The following MAPKAPK5 variants were observed in gnomAD, a reference collection of about 807,000 sequenced individuals.
The protein encoded by MAPKAPK5 is MAP kinase-activated protein kinase 5.
Under a neutral mutation model 65.1 loss-of-function variants are expected in MAPKAPK5, and 30 were observed. The observed-to-expected ratio is 0.46, with a 90% CI of 0.34 to 0.63. The LOEUF is 0.63. Ranked by LOEUF, MAPKAPK5 falls within the 20% of genes least tolerant of loss-of-function variation. The pLI is 0.01. For synonymous variants in MAPKAPK5, 179 were observed against 204.6 expected (o/e 0.87, Z 1.07); for missense variants, 433 against 581.4 (o/e 0.74, Z 2.63).
At chr12:111,876,643 C>T (rs1158962821) in intron 7 of MAPKAPK5, among the ~76,000 whole-genome samples, 1 of 152,150 alleles carries the variant, frequency 6.6e-6, no homozygotes, top group Non-Finnish European at 1.5e-5. Context: ...GATTTTTCTA[C>T]TCCTCTACTT....
intron 1 of MAPKAPK5, among the ~76,000 whole-genome samples, chr12:111,845,074 A>C (rs1410640075): frequency 6.6e-6 from 1 of 152,154 alleles, no homozygotes; most frequent in Non-Finnish European, 1.5e-5. Flanking sequence ...TAGGGCAGCA[A>C]TGTCACTTAG....
In MAPKAPK5 at chr12:111,896,238, C is replaced by T. The variant is rs1254207598; in HGVS notation, c.*3177C>T. ...ATTTTAGGTGCGATGGAAAAGGTAT[C>T]CAAAGTGATACTCCCTTTGACTCTG... On this transcript the variant is annotated 3_prime_UTR_variant, in exon 14 of 14. Coordinates refer to ENST00000550735, the MANE Select transcript of MAPKAPK5 (RefSeq NM_003668.4). 6.6e-6 allele frequency: 1 copy of T among 152,060 alleles called. No individual in the cohort carries two copies. Among genetic ancestry groups the T allele is most frequent in the Non-Finnish European group, 1.5e-5 (1 of 68,024 alleles). The allele number at this position is 152,060 out of a possible 1,614,324, so 9.4% of individuals were successfully genotyped here. A position where few individuals can be genotyped will look rare whatever the true frequency, so the allele number is the denominator to read the frequency against.
rs575019302 is a variant in MAPKAPK5 at position 111,897,642 on chromosome 12, A to C, written c.*4581A>C. 2.0e-5 allele frequency: 3 copies of C among 152,332 alleles called. No individual in the cohort carries two copies. In the East Asian group the frequency reaches 5.8e-4, roughly 29 times the overall value. The allele number at this position is 152,332 out of a possible 1,614,324, so 9.4% of individuals were successfully genotyped here. A position where few individuals can be genotyped will look rare whatever the true frequency, so the allele number is the denominator to read the frequency against. On this transcript the variant is annotated 3_prime_UTR_variant, in exon 14 of 14. Coordinates refer to ENST00000550735, the MANE Select transcript of MAPKAPK5 (RefSeq NM_003668.4). Reference sequence around the variant, plus strand: ...CATAAATCACAAGAAATACAGCTGGAAATCATTTCACTTTTCTTGCTGTAA... The same window carrying C: ...CATAAATCACAAGAAATACAGCTGGCAATCATTTCACTTTTCTTGCTGTAA...
chr12:111,860,956 C>T (rs1413979333), intron 1 of MAPKAPK5, among the ~76,000 whole-genome samples: 4 of 151,532 alleles, frequency 2.6e-5, no homozygotes, highest in East Asian at 2.0e-4. Flanking sequence ...GTCAGGAGTT[C>T]GAGACCAGCC....
At position 111,880,602 on chromosome 12, in the gene MAPKAPK5, G is replaced by T. The variant is rs1299678492; in HGVS notation, c.660+75G>T. 2.3e-6 allele frequency: 3 copies of T among 1,307,340 alleles called. No homozygotes were observed. In the East Asian group the frequency reaches 7.0e-5, roughly 30 times the overall value. 81.0% of individuals were successfully genotyped at this position (1,307,340 alleles called of 1,614,324 possible). ...TTAGTGAGGTGTTTGTGGCCCTCTGGGAGTGTGGCCAATTCCTTTCTCACC... is the reference window on the plus strand; with the variant it reads ...TTAGTGAGGTGTTTGTGGCCCTCTGTGAGTGTGGCCAATTCCTTTCTCACC... On this transcript the variant is annotated intron_variant, in intron 8 of 13. Transcript: ENST00000550735.
At chr12:111,881,194 C>T (rs1171578079) in intron 8 of MAPKAPK5, among the ~76,000 whole-genome samples, 1 of 151,946 alleles carries the variant, frequency 6.6e-6, no homozygotes, top group Non-Finnish European at 1.5e-5. Context: ...CTGCCTCAGT[C>T]TCCCAGGTAG....
chr12:111,860,185 T>G (rs186694118), intron 1 of MAPKAPK5, among the ~76,000 whole-genome samples: 6 of 152,350 alleles, frequency 3.9e-5, no homozygotes, highest in Admixed American at 2.0e-4. Flanking sequence ...TCTCAAATAC[T>G]TTCAGCCCCT....
At chr12:111,864,546 C>CT (rs1313236098) in intron 1 of MAPKAPK5, among the ~76,000 whole-genome samples, 10 of 152,212 alleles carry the variant, frequency 6.6e-5, no homozygotes, top group African/African-American at 1.9e-4. Context: ...TAATTAAATT[C>CT]TTTTTTATCT....
intron 1 of MAPKAPK5, among the ~76,000 whole-genome samples, chr12:111,853,860 G>T (rs547382053): frequency 6.6e-6 from 1 of 152,142 alleles, no homozygotes; most frequent in Non-Finnish European, 1.5e-5. Context: ...TCAGGAATGG[G>T]TGTTGAGTTT....
intron 1 of MAPKAPK5, among the ~76,000 whole-genome samples, chr12:111,851,645 T>C (rs1211084783): frequency 6.6e-6 from 1 of 152,172 alleles, no homozygotes; most frequent in Non-Finnish European, 1.5e-5. Context: ...CAAGACTCAT[T>C]ACATGGGATA....
chr12:111,867,714 A>G (rs113024734), intron 4 of MAPKAPK5, 45 bp downstream of exon 4: 31 of 1,414,302 alleles, frequency 2.2e-5, no homozygotes, highest in African/African-American at 2.1e-4. Flanking sequence ...ATGTAGGCCA[A>G]TGTGTAGTGG....
At chr12:111,860,214 T>G (rs1463379366) in intron 1 of MAPKAPK5, among the ~76,000 whole-genome samples, 1 of 152,236 alleles carries the variant, frequency 6.6e-6, no homozygotes, top group African/African-American at 2.4e-5. Flanking sequence ...TACCCTATCC[T>G]GATCAACTTA....
In MAPKAPK5 at chr12:111,893,244, C is replaced by A; in HGVS notation, c.*183C>A. ...GTTTGTTTTTAAGAAAAGCTCAGTT[C>A]TAGAGACATACTATTACTTTAGGAC... On this transcript the variant is annotated 3_prime_UTR_variant, in exon 14 of 14. Coordinates refer to ENST00000550735, the MANE Select transcript of MAPKAPK5 (RefSeq NM_003668.4). 2.6e-6 allele frequency: 1 copy of A among 386,242 alleles called. No homozygotes were observed. Among genetic ancestry groups the A allele is most frequent in the Non-Finnish European group, 4.7e-6 (1 of 212,504 alleles). 23.9% of individuals were successfully genotyped at this position (386,242 alleles called of 1,614,324 possible). A position where few individuals can be genotyped will look rare whatever the true frequency, so the allele number is the denominator to read the frequency against.
rs534240727 is a variant in MAPKAPK5 at position 111,893,079 on chromosome 12, G to C, written c.*18G>C. 1 of 1,514,128 alleles carries C rather than the reference G, an allele frequency of 6.6e-7. No individual in the cohort carries two copies. Among genetic ancestry groups the C allele is most frequent in the Non-Finnish European group, 8.9e-7 (1 of 1,128,108 alleles). 93.8% of individuals were successfully genotyped at this position (1,514,128 alleles called of 1,614,324 possible). A position where few individuals can be genotyped will look rare whatever the true frequency, so the allele number is the denominator to read the frequency against. ...CCCAATAATGACAGCTTCAGACTTT[G>C]TTTTTTTAACAATTTGAAAAATTAT... On this transcript the variant is annotated 3_prime_UTR_variant, in exon 14 of 14. Transcript: ENST00000550735.
chr12:111,894,766 ATGTGTGTGTGTG>A lies in MAPKAPK5; in HGVS notation c.*1720_*1731del, dbSNP rs1555276322. The A allele has an allele frequency of 1.4e-5, 2 of 146,024 alleles. No individual in the cohort carries two copies. Among genetic ancestry groups the A allele is most frequent in the Non-Finnish European group, 3.0e-5 (2 of 66,780 alleles). The allele number at this position is 146,024 out of a possible 1,614,324, so 9.0% of individuals were successfully genotyped here. A position where few individuals can be genotyped will look rare whatever the true frequency, so the allele number is the denominator to read the frequency against. ...CCATAACAAACCAATTTTCGTGTAT[ATGTGTGTGTGTG>A]TGTGTGTGTGTGTGAAGCAGTTTTT... On this transcript the variant is annotated 3_prime_UTR_variant, in exon 14 of 14. Coordinates refer to ENST00000550735, the MANE Select transcript of MAPKAPK5 (RefSeq NM_003668.4).
In MAPKAPK5 at chr12:111,882,639, GTCA is replaced by G. The variant is rs1452885694; in HGVS notation, c.661-941_661-939del. ...TTTATGCAGTGATATAGGCCATGGAGTCACCTTACTACCTGCAGACATGGTAGT... is the reference window on the plus strand; with the variant it reads ...TTTATGCAGTGATATAGGCCATGGAGCCTTACTACCTGCAGACATGGTAGT... On this transcript the variant is annotated intron_variant, in intron 8 of 13. Coordinates refer to ENST00000550735, the MANE Select transcript of MAPKAPK5 (RefSeq NM_003668.4). Among the ~76,000 whole-genome samples, 11 of 152,306 alleles carry G rather than the reference GTCA, an allele frequency of 7.2e-5. No individual in the cohort carries two copies. In the East Asian group the frequency reaches 1.4e-3, roughly 19 times the overall value.
At chr12:111,851,223 A>T (rs1318998045) in intron 1 of MAPKAPK5, among the ~76,000 whole-genome samples, 1 of 151,598 alleles carries the variant, frequency 6.6e-6, no homozygotes, top group East Asian at 2.0e-4. Context: ...AGTTTTTTTG[A>T]CACAATGCCC....
chr12:111,888,117 A>C (rs972154065), intron 10 of MAPKAPK5: 1 of 224,108 alleles, frequency 4.5e-6, no homozygotes, highest in East Asian at 1.2e-4. Flanking sequence ...GAGGTGAATC[A>C]ATACCGTCTG....
rs1181686873 is a variant in MAPKAPK5, at chr12:111,899,048, G to GAAGAC, written c.*5989_*5993dup. On this transcript the variant is annotated 3_prime_UTR_variant, in exon 14 of 14. Coordinates refer to ENST00000550735, the MANE Select transcript of MAPKAPK5 (RefSeq NM_003668.4). ...AGATTAAAGTTGTTGCTGTTGGAAG[G>GAAGAC]AAGACATACTAAAGAAACTGCCGAA... is the stretch of plus-strand genomic sequence containing the variant. 6.6e-6 allele frequency: 1 copy of GAAGAC among 152,206 alleles called. No individual in the cohort carries two copies. Among genetic ancestry groups the GAAGAC allele is most frequent in the Non-Finnish European group, 1.5e-5 (1 of 68,064 alleles). 9.4% of individuals were successfully genotyped at this position (152,206 alleles called of 1,614,324 possible). A position where few individuals can be genotyped will look rare whatever the true frequency, so the allele number is the denominator to read the frequency against.
Sources: allele counts gnomAD v4.1 joint callset (sites outside exome capture counted in the v4.1 genomes callset), GRCh38; gene constraint gnomAD v4.1.1; transcripts MANE v1.5; gene names NCBI Gene and HGNC (gene_info 2026-07-23, HGNC 2026-07-21).